Variants in ABLIM1 observed in about 807,000 individuals in gnomAD.
ABLIM1 encodes the protein actin-binding LIM protein 1.
A neutral mutation model predicts 107.0 loss-of-function variants in ABLIM1; 40 were observed. The ratio of observed to expected loss-of-function variants is 0.37; its 90% CI spans 0.29 to 0.49. The LOEUF is 0.49. Among genes scored for constraint, ABLIM1 ranks in the 20% least tolerant of loss-of-function variants. The pLI is 0.97. For synonymous variants in ABLIM1, 357 were observed against 357.3 expected, an observed-to-expected ratio of 1.00 and a Z score of 0.01; for missense variants, 857 against 1,008.5, an observed-to-expected ratio of 0.85 and a Z score of 2.04.
intron 1 of ABLIM1, among the ~76,000 whole-genome samples, chr10:114,680,351 G>A (rs570437185): frequency 4.6e-5 from 7 of 152,302 alleles, no homozygotes; most frequent in African/African-American, 1.7e-4. Flanking sequence ...TGTCCAAGCT[G>A]CCATCTGACC....
chr10:114,576,626 A>G (rs1399319027), intron 2 of ABLIM1, among the ~76,000 whole-genome samples: 1 of 152,164 alleles, frequency 6.6e-6, no homozygotes, highest in African/African-American at 2.4e-5. Flanking sequence ...TAATTCATCT[A>G]GATGAACTAG....
intron 1 of ABLIM1, among the ~76,000 whole-genome samples, chr10:114,704,302 C>CTATATA (rs369952218): frequency 7.0e-5 from 3 of 43,090 alleles, no homozygotes; most frequent in African/African-American, 1.7e-4. Flanking sequence ...CTCTCTCTCT[C>CTATATA]TATATATATA....
chr10:114,565,547 A>C (rs1357884154), intron 4 of ABLIM1, among the ~76,000 whole-genome samples: 1 of 152,160 alleles, frequency 6.6e-6, no homozygotes, highest in Non-Finnish European at 1.5e-5. Context: ...GTTGCTAGTA[A>C]GTGGAAGAGC....
chr10:114,542,438 G>GAA (rs375774485), intron 6 of ABLIM1, among the ~76,000 whole-genome samples: 43 of 96,456 alleles, frequency 4.5e-4, no homozygotes, highest in African/African-American at 1.3e-3. Flanking sequence ...AAAGAAAAAA[G>GAA]AAAAAAAAAA....
intron 1 of ABLIM1, among the ~76,000 whole-genome samples, chr10:114,767,307 T>G (rs757084703): frequency 6.6e-6 from 1 of 152,224 alleles, no homozygotes; most frequent in Non-Finnish European, 1.5e-5. Flanking sequence ...AATATTTTCT[T>G]TAAATGCTTA....
At chr10:114,468,089 G>A in intron 11 of ABLIM1, 92 bp downstream of exon 11, 1 of 1,180,570 alleles carries the variant, frequency 8.5e-7, no homozygotes, top group Non-Finnish European at 1.3e-6. Flanking sequence ...TCTTTTGTAT[G>A]TTATGTTCTT....
Position 114,545,021 on chromosome 10 carries a change from G to A in ABLIM1, c.878C>T (p.Thr293Ile), listed in dbSNP as rs1174590104. ...GCCACTTACCTCCAGGACTTTCCCTGTGATAAACTGGTGACACGCCTCACA... is the reference window on the plus strand; with the variant it reads ...GCCACTTACCTCCAGGACTTTCCCTATGATAAACTGGTGACACGCCTCACA... ...VKCEACHQFITGKVLEAGDKH... is the reference protein window; with the variant it reads ...VKCEACHQFIIGKVLEAGDKH... The change falls in exon 6 of 23, where the codon ACA (threonine) becomes ATA (isoleucine). Residue 293 changes from threonine to isoleucine, a missense_variant. Coordinates refer to ENST00000533213, the MANE Select transcript of ABLIM1 (RefSeq NM_002313.7). 4 of 1,613,976 alleles carry A rather than the reference G, an allele frequency of 2.5e-6. No homozygotes were observed. The highest frequency in any genetic ancestry group is 1.1e-5 in the South Asian group (1 of 91,086).
At chr10:114,562,600 GCTTC>G (rs2069912616) in intron 4 of ABLIM1, among the ~76,000 whole-genome samples, 1 of 152,204 alleles carries the variant, frequency 6.6e-6, no homozygotes, top group Non-Finnish European at 1.5e-5. Context: ...AGCAATAACT[GCTTC>G]CCCTGTTAAG....
intron 6 of ABLIM1, among the ~76,000 whole-genome samples, chr10:114,520,505 A>T (rs577921520): frequency 6.6e-6 from 1 of 152,178 alleles, no homozygotes; most frequent in Non-Finnish European, 1.5e-5. Flanking sequence ...TGGGAGCTAA[A>T]AAAAGGAGAA....
In ABLIM1 at chr10:114,547,716, T is replaced by C. The variant is rs2067532336; in HGVS notation, c.734A>G (p.Gln245Arg). The C allele has an allele frequency of 6.2e-7, 1 of 1,613,562 alleles. No individual in the cohort carries two copies. Among genetic ancestry groups the C allele is most frequent in the African/African-American group, 1.3e-5 (1 of 75,072 alleles). Residue 245 changes from glutamine to arginine, a missense_variant, in exon 5 of 23, where the codon CAG becomes CGG. Gln to Arg is a conservative substitution (Grantham distance 43). Coordinates refer to ENST00000533213, the MANE Select transcript of ABLIM1 (RefSeq NM_002313.7). ...NGQALLALDK[Q>R]WHLGCFKCKS... ...GCATTTAAAGCACCCCAAGTGCCAC[T>C]GCTTATCCAGCGCCAGCAGCGCCTG... is the stretch of plus-strand genomic sequence containing the variant.
intron 8 of ABLIM1, among the ~76,000 whole-genome samples, chr10:114,475,533 C>T (rs1285339964): frequency 6.6e-6 from 1 of 152,204 alleles, no homozygotes; most frequent in Non-Finnish European, 1.5e-5. Flanking sequence ...CACAGGTACA[C>T]AGAAGGCACA....
At chr10:114,451,541 A>C (rs1344766876) in intron 14 of ABLIM1, 83 bp downstream of exon 14, 1 of 1,292,946 alleles carries the variant, frequency 7.7e-7, no homozygotes, top group East Asian at 2.3e-5. Flanking sequence ...AAGCAGCAGC[A>C]GGAAAAGCCT....
At chr10:114,704,271 G>GCTCTCCCTCTCTCTCT (rs2081362963) in intron 1 of ABLIM1, among the ~76,000 whole-genome samples, 2 of 40,958 alleles carry the variant, frequency 4.9e-5, no homozygotes, top group Non-Finnish European at 1.1e-4. Context: ...TCTCTCTCTC[G>GCTCTCCCTCTCTCTCT]CTCTCTCTCT....
chr10:114,706,474 A>C (rs1446722457), intron 1 of ABLIM1, among the ~76,000 whole-genome samples: 1 of 152,250 alleles, frequency 6.6e-6, no homozygotes, highest in Non-Finnish European at 1.5e-5. Context: ...ATTGACCCTG[A>C]GAAACAAATT....
At chr10:114,797,605 A>G in the ABLIM1 span, among the ~76,000 whole-genome samples, 2 of 152,116 alleles carry the variant, frequency 1.3e-5, no homozygotes, top group Non-Finnish European at 2.9e-5. Flanking sequence ...TCCTGCAGTA[A>G]TCCCTTCCTT....
At chr10:114,616,974 T>C (rs2077165070) in intron 1 of ABLIM1, among the ~76,000 whole-genome samples, 1 of 152,204 alleles carries the variant, frequency 6.6e-6, no homozygotes, top group African/African-American at 2.4e-5. Context: ...GCACAATTAG[T>C]AAACAGGCAA....
intron 1 of ABLIM1, among the ~76,000 whole-genome samples, chr10:114,717,377 A>T (rs1440398071): frequency 1.3e-5 from 2 of 152,166 alleles, no homozygotes; most frequent in Admixed American, 6.6e-5. Context: ...AGAACACTGG[A>T]CTAACCTGTC....
At chr10:114,657,037 C>T (rs558325595) in intron 1 of ABLIM1, among the ~76,000 whole-genome samples, 86 of 152,256 alleles carry the variant, frequency 5.6e-4, no homozygotes, top group Admixed American at 1.1e-3. Flanking sequence ...GAACTATAGA[C>T]TTTAAATGGA....
At chr10:114,479,582 T>C (rs1467602457) in intron 8 of ABLIM1, among the ~76,000 whole-genome samples, 1 of 152,174 alleles carries the variant, frequency 6.6e-6, no homozygotes, top group African/African-American at 2.4e-5. Flanking sequence ...TTGCACAGTC[T>C]GTCTTATCTG....
Sources: gnomAD v4.1 joint callset for allele counts (sites outside exome capture counted in the v4.1 genomes callset) on GRCh38, gnomAD v4.1.1 for gene constraint, MANE v1.5 for transcripts, NCBI Gene and HGNC (gene_info 2026-07-23, HGNC 2026-07-21) for gene names.